The following RBFOX1 variants were observed in gnomAD, a reference collection of about 807,000 sequenced individuals.
The protein encoded by RBFOX1 is RNA binding protein fox-1 homolog 1.
In RBFOX1, 8 loss-of-function variants were observed where a neutral mutation model predicts 57.7. The ratio of observed to expected loss-of-function variants is 0.14; its 90% CI spans 0.08 to 0.25. The LOEUF is 0.25. RBFOX1 is among the 10% of genes least tolerant of loss of function. The pLI, the probability that RBFOX1 is intolerant of heterozygous loss-of-function variation, is 1.00. For missense variants in RBFOX1, 611 were observed against 548.5 expected (o/e 1.11, Z -1.14); for synonymous variants, 326 against 222.4 (o/e 1.47, Z -4.15).
chr16:5,353,043 G>C (rs143877939), intron 1 of RBFOX1, among the ~76,000 whole-genome samples: 1 of 152,298 alleles, frequency 6.6e-6, no homozygotes, highest in African/African-American at 2.4e-5. Flanking sequence ...AGTGTTGAGA[G>C]ATGAAACGTT....
intron 3 of RBFOX1, among the ~76,000 whole-genome samples, chr16:6,945,343 T>A (rs1218684622): frequency 6.6e-6 from 1 of 152,140 alleles, no homozygotes; most frequent in Non-Finnish European, 1.5e-5. Context: ...GCCAGACAGT[T>A]AATGTTATCA....
intron 3 of RBFOX1, among the ~76,000 whole-genome samples, chr16:6,909,449 C>A (rs1036458975): frequency 6.6e-6 from 1 of 152,214 alleles, no homozygotes; most frequent in Non-Finnish European, 1.5e-5. Flanking sequence ...GACGTATTCA[C>A]ACCTTTCAGA....
intron 2 of RBFOX1, among the ~76,000 whole-genome samples, chr16:6,565,151 G>C (rs1341287374): frequency 1.4e-5 from 2 of 148,050 alleles, no homozygotes; most frequent in Non-Finnish European, 3.0e-5. Context: ...AAAAGCATTT[G>C]CAACAGGGAA....
intron 3 of RBFOX1, among the ~76,000 whole-genome samples, chr16:6,792,353 A>G (rs1365863743): frequency 1.3e-5 from 2 of 152,178 alleles, no homozygotes; most frequent in Non-Finnish European, 2.9e-5. Flanking sequence ...TCAGCATTTT[A>G]GGATTCTATA....
At chr16:7,116,077 G>A (rs925577464) in intron 4 of RBFOX1, among the ~76,000 whole-genome samples, 4 of 152,042 alleles carry the variant, frequency 2.6e-5, no homozygotes, top group African/African-American at 9.7e-5. Context: ...TTCTCAGTGG[G>A]TACCGATCAG....
At chr16:5,755,295 T>C (rs2053352978) in intron 3 of RBFOX1, among the ~76,000 whole-genome samples, 1 of 151,730 alleles carries the variant, frequency 6.6e-6, no homozygotes, top group African/African-American at 2.4e-5. Context: ...TGGAGTCTCC[T>C]ATGTCTACTT....
At chr16:7,562,053 G>C (rs936544744) in intron 5 of RBFOX1, among the ~76,000 whole-genome samples, 1 of 152,096 alleles carries the variant, frequency 6.6e-6, no homozygotes, top group African/African-American at 2.4e-5. Flanking sequence ...AAAGGTTGGA[G>C]GCGTCAGCCA....
At chr16:6,409,200 G>T (rs1049422990) in intron 2 of RBFOX1, among the ~76,000 whole-genome samples, 1 of 152,158 alleles carries the variant, frequency 6.6e-6, no homozygotes, top group African/African-American at 2.4e-5. Context: ...GATCACCTGA[G>T]GTCAGGAGTT....
intron 3 of RBFOX1, among the ~76,000 whole-genome samples, chr16:5,742,524 C>T (rs920621092): frequency 1.3e-5 from 2 of 152,100 alleles, no homozygotes; most frequent in African/African-American, 2.4e-5. Flanking sequence ...GAAACAAGCC[C>T]GATCACTTCT....
chr16:6,958,496 C>A (rs779561499), intron 3 of RBFOX1, among the ~76,000 whole-genome samples: 1 of 152,068 alleles, frequency 6.6e-6, no homozygotes, highest in African/African-American at 2.4e-5. Context: ...TTCTGTGATA[C>A]AATGGTCTGT....
intron 11 of RBFOX1, among the ~76,000 whole-genome samples, chr16:7,642,239 AT>A (rs2062950965): frequency 1.3e-5 from 2 of 152,180 alleles, no homozygotes; most frequent in African/African-American, 4.8e-5. Flanking sequence ...TGGCTCAGAT[AT>A]CAGGCAGATG....
intron 3 of RBFOX1, among the ~76,000 whole-genome samples, chr16:7,011,427 A>C (rs1292360113): frequency 6.6e-6 from 1 of 152,138 alleles, no homozygotes; most frequent in East Asian, 1.9e-4. Context: ...TGTGTTTTTA[A>C]AACAGGTTGG....
chr16:5,910,134 G>T (rs1387848098), intron 4 of RBFOX1, among the ~76,000 whole-genome samples: 1 of 152,074 alleles, frequency 6.6e-6, no homozygotes, highest in African/African-American at 2.4e-5. Context: ...CTGCTCAGAG[G>T]CAACTTGATC....
chr16:5,283,022 C>G (rs1018429299), intron 1 of RBFOX1, among the ~76,000 whole-genome samples: 3 of 152,072 alleles, frequency 2.0e-5, no homozygotes, highest in African/African-American at 4.8e-5. Flanking sequence ...TGTGAGCAGC[C>G]TAGGGTGCCT....
chr16:6,221,415 C>T (rs1289171519), intron 1 of RBFOX1, among the ~76,000 whole-genome samples: 1 of 152,162 alleles, frequency 6.6e-6, no homozygotes, highest in Non-Finnish European at 1.5e-5. Flanking sequence ...AACAATTCAG[C>T]TGCCCAGATA....
chr16:6,856,983 G>A (rs2058030867), intron 3 of RBFOX1, among the ~76,000 whole-genome samples: 1 of 152,078 alleles, frequency 6.6e-6, no homozygotes, highest in East Asian at 1.9e-4. Context: ...AGAGAAGGAG[G>A]ACTTGAGATA....
At chr16:6,818,878 T>A (rs575419054) in intron 3 of RBFOX1, among the ~76,000 whole-genome samples, 1 of 152,314 alleles carries the variant, frequency 6.6e-6, no homozygotes, top group South Asian at 2.1e-4. Flanking sequence ...GGAATTTACA[T>A]GGAATTCTTT....
chr16:7,186,559 CTT>C (rs1449920710), intron 4 of RBFOX1, among the ~76,000 whole-genome samples: 136 of 54,482 alleles, frequency 2.5e-3, no homozygotes, highest in African/African-American at 4.0e-3. Context: ...TAAATATAAG[CTT>C]AAACATATTT....
chr16:7,064,197 C>T (rs1210000644), intron 4 of RBFOX1, among the ~76,000 whole-genome samples: 1 of 135,200 alleles, frequency 7.4e-6, no homozygotes, highest in African/African-American at 2.8e-5. Flanking sequence ...GAGGTGGAGT[C>T]TCACTATGTG....
Sources: gnomAD v4.1 joint callset for allele counts (sites outside exome capture counted in the v4.1 genomes callset) on GRCh38, gnomAD v4.1.1 for gene constraint, MANE v1.5 for transcripts, NCBI Gene and HGNC (gene_info 2026-07-23, HGNC 2026-07-21) for gene names.